The following NOTCH2NLC variants were observed in gnomAD, a reference collection of about 807,000 sequenced individuals.
NOTCH2NLC encodes the protein notch 2 N-terminal like C.
A neutral mutation model predicts 17.7 loss-of-function variants in NOTCH2NLC; 4 were observed. That is an observed-to-expected ratio of 0.23 (90% CI 0.11 to 0.52). The LOEUF is 0.52. NOTCH2NLC is among the 20% of genes least tolerant of loss of function. The pLI, the probability that NOTCH2NLC is intolerant of heterozygous loss-of-function variation, is 0.96. For synonymous variants in NOTCH2NLC, 18 were observed against 86.0 expected, an observed-to-expected ratio of 0.21 and a Z score of 4.38; for missense variants, 57 against 207.2, an observed-to-expected ratio of 0.28 and a Z score of 4.45.
chr1:149,449,042 T>C (rs2084573780), intron 2 of NOTCH2NLC, among the ~76,000 whole-genome samples: 1 of 147,762 alleles, frequency 6.8e-6, no homozygotes, highest in Non-Finnish European at 1.5e-5. Context: ...CCACCACGCC[T>C]GGCTAATTTT....
chr1:149,402,389 G>T (rs2084251238), intron 1 of NOTCH2NLC, among the ~76,000 whole-genome samples: 1 of 148,586 alleles, frequency 6.7e-6, no homozygotes. Flanking sequence ...CTTGCAGCTT[G>T]ATTTTTTAAA....
intron 2 of NOTCH2NLC, among the ~76,000 whole-genome samples, chr1:149,432,132 TGAG>T (rs1214634098): frequency 3.7e-5 from 5 of 135,706 alleles, no homozygotes; most frequent in East Asian, 2.3e-4. Flanking sequence ...TTCATTTTTG[TGAG>T]GAGTAGTTCT....
intron 1 of NOTCH2NLC, among the ~76,000 whole-genome samples, chr1:149,393,381 A>G (rs1345732066): frequency 6.6e-6 from 1 of 151,126 alleles, no homozygotes; most frequent in African/African-American, 2.4e-5. Flanking sequence ...TAGAGTCTAC[A>G]GTGAAGGCTT....
At chr1:149,440,130 G>T (rs1437192568) in intron 2 of NOTCH2NLC, among the ~76,000 whole-genome samples, 5 of 150,482 alleles carry the variant, frequency 3.3e-5, no homozygotes, top group African/African-American at 1.2e-4. Flanking sequence ...GTAGCATTTA[G>T]CGTATTAAAT....
Position 149,400,139 on chromosome 1 carries a change from A to T in NOTCH2NLC, c.135+9217A>T, listed in dbSNP as rs1298750915. The stretch of plus-strand genomic sequence containing the variant: ...ATATATATATATATATATAATATAT[A>T]TTTTTTTTTTAGTTTATGAACAGAT... On this transcript the variant is annotated intron_variant, in intron 1 of 4. Coordinates refer to ENST00000650865, the MANE Select transcript of NOTCH2NLC (RefSeq NM_001364013.2). 7.7e-4 allele frequency among the ~76,000 whole-genome samples: 101 copies of T among 131,928 alleles called. 2 individuals carry two copies. Among genetic ancestry groups the T allele is most frequent in the Middle Eastern group, 4.1e-3 (1 of 246 alleles). 86.5% of individuals were successfully genotyped at this position (131,928 alleles called of 152,430 possible). A position where few individuals can be genotyped will look rare whatever the true frequency, so the allele number is the denominator to read the frequency against.
intron 1 of NOTCH2NLC, among the ~76,000 whole-genome samples, chr1:149,408,657 G>A (rs2084282594): frequency 1.3e-5 from 2 of 151,086 alleles, no homozygotes; most frequent in East Asian, 3.9e-4. Context: ...ATGTTCACAG[G>A]GAAAGAAAAA....
At chr1:149,420,060 T>C (rs1363730656) in intron 1 of NOTCH2NLC, among the ~76,000 whole-genome samples, 2 of 148,240 alleles carry the variant, frequency 1.3e-5, no homozygotes, top group African/African-American at 5.0e-5. Context: ...TTAGTAGAGA[T>C]GGGGTTTCAC....
At chr1:149,429,917 A>C in intron 1 of NOTCH2NLC, among the ~76,000 whole-genome samples, 1 of 151,014 alleles carries the variant, frequency 6.6e-6, no homozygotes, top group South Asian at 2.1e-4. Context: ...GAAAGAGTTC[A>C]TGAGCTTCAA....
At chr1:149,416,655 T>C (rs2084336847) in intron 1 of NOTCH2NLC, among the ~76,000 whole-genome samples, 1 of 141,270 alleles carries the variant, frequency 7.1e-6, no homozygotes, top group South Asian at 2.3e-4. Context: ...GCTACTCTAT[T>C]ATTGAGAAGA....
intron 1 of NOTCH2NLC, among the ~76,000 whole-genome samples, chr1:149,417,006 G>A (rs1170506370): frequency 6.9e-6 from 1 of 145,460 alleles, no homozygotes; most frequent in African/African-American, 2.5e-5. Context: ...GATGTGCATA[G>A]CTGGTATGTG....
chr1:149,432,722 T>C (rs2084459968), intron 2 of NOTCH2NLC, among the ~76,000 whole-genome samples: 1 of 149,772 alleles, frequency 6.7e-6, no homozygotes, highest in South Asian at 2.1e-4. Context: ...GCATAGTTAA[T>C]GCCTAGTACA....
At chr1:149,445,548 G>A (rs1267796037) in intron 2 of NOTCH2NLC, among the ~76,000 whole-genome samples, 4 of 149,054 alleles carry the variant, frequency 2.7e-5, no homozygotes, top group African/African-American at 7.4e-5. Context: ...TTACCTTAAC[G>A]ACAGCTCCCC....
At chr1:149,460,759 T>A (rs2084639904) in intron 3 of NOTCH2NLC, among the ~76,000 whole-genome samples, 1 of 149,146 alleles carries the variant, frequency 6.7e-6, no homozygotes, top group Admixed American at 6.7e-5. Context: ...CTAGCTCATC[T>A]CCACTCAGAG....
intron 2 of NOTCH2NLC, among the ~76,000 whole-genome samples, chr1:149,454,761 G>A (rs1449503963): frequency 6.7e-6 from 1 of 150,370 alleles, no homozygotes; most frequent in Non-Finnish European, 1.5e-5. Context: ...CTAGGTATCA[G>A]CCAATTGATG....
At chr1:149,427,179 A>T (rs2084417575) in intron 1 of NOTCH2NLC, among the ~76,000 whole-genome samples, 1 of 151,202 alleles carries the variant, frequency 6.6e-6, no homozygotes. Flanking sequence ...AATGTATAAT[A>T]CCCTATTATT....
rs1175539238 is a variant in NOTCH2NLC, at chr1:149,468,958, CTTTTTTT to C, written c.*4823_*4829del. ...GGCATGTGTCATTTTCTTTTCTTTT[CTTTTTTT>C]TTTTTTTTTTTTTTTTTGAGACGGA... On this transcript the variant is annotated 3_prime_UTR_variant, in exon 5 of 5. Coordinates refer to ENST00000650865, the MANE Select transcript of NOTCH2NLC (RefSeq NM_001364013.2). 1.9e-4 allele frequency among the ~76,000 whole-genome samples: 10 copies of C among 53,436 alleles called. No individual in the cohort carries two copies. The highest frequency in any genetic ancestry group is 3.0e-4 in the Non-Finnish European group (9 of 30,270). The allele number at this position is 53,436 out of a possible 152,430, so 35.1% of individuals were successfully genotyped here.
In NOTCH2NLC at chr1:149,471,577, C is replaced by G. The variant is rs1301102798; in HGVS notation, c.*7424C>G. Among the ~76,000 whole-genome samples the G allele has an allele frequency of 2.7e-5, 4 of 150,068 alleles. No homozygotes were observed. Among genetic ancestry groups the G allele is most frequent in the South Asian group, 2.1e-4 (1 of 4,736 alleles). Reference sequence around the variant, plus strand: ...AATTAAGTGCCCAGAACAAGTACATCTATATATAGAGAAAGTAGATTAGTG... The same window carrying G: ...AATTAAGTGCCCAGAACAAGTACATGTATATATAGAGAAAGTAGATTAGTG... On this transcript the variant is annotated 3_prime_UTR_variant, in exon 5 of 5. Coordinates refer to ENST00000650865, the MANE Select transcript of NOTCH2NLC (RefSeq NM_001364013.2).
At chr1:149,427,150 A>C (rs1369031093) in intron 1 of NOTCH2NLC, among the ~76,000 whole-genome samples, 1 of 151,306 alleles carries the variant, frequency 6.6e-6, no homozygotes, top group African/African-American at 2.4e-5. Flanking sequence ...TTTGAAATTT[A>C]CTCTCTTAGC....
At chr1:149,414,525 A>G (rs1441927987) in intron 1 of NOTCH2NLC, among the ~76,000 whole-genome samples, 2 of 151,144 alleles carry the variant, frequency 1.3e-5, no homozygotes, top group African/African-American at 2.4e-5. Context: ...TAAAAAATGT[A>G]TACCCCAAGA....
Sources: gnomAD v4.1 joint callset for allele counts (sites outside exome capture counted in the v4.1 genomes callset) on GRCh38, gnomAD v4.1.1 for gene constraint, MANE v1.5 for transcripts, NCBI Gene and HGNC (gene_info 2026-07-23, HGNC 2026-07-21) for gene names.